JAKMIP3: variants seen among roughly 807,000 people sequenced by gnomAD.
The protein encoded by JAKMIP3 is janus kinase and microtubule-interacting protein 3.
In JAKMIP3, 58 loss-of-function variants were observed where a neutral mutation model predicts 118.5. That is an observed-to-expected ratio of 0.49 (90% CI 0.40 to 0.61). JAKMIP3 has a LOEUF of 0.61. JAKMIP3 is among the 20% of genes least tolerant of loss of function. The probability of loss-of-function intolerance (pLI) is 0.00; values close to 1 mark genes in which losing one functional copy is unlikely to be tolerated. For synonymous variants in JAKMIP3, 486 were observed against 451.2 expected (o/e 1.08, Z -0.98); for missense variants, 950 against 1,109.0 (o/e 0.86, Z 2.04).
intron 1 of JAKMIP3, among the ~76,000 whole-genome samples, chr10:132,057,401 C>T (rs1211873928): frequency 1.3e-5 from 2 of 152,226 alleles, no homozygotes; most frequent in East Asian, 3.8e-4. Flanking sequence ...CCAGGAAGCC[C>T]AGAGCCCAGC....
intron 1 of JAKMIP3, among the ~76,000 whole-genome samples, chr10:132,043,642 G>A (rs2037824780): frequency 6.6e-6 from 1 of 152,186 alleles, no homozygotes; most frequent in Non-Finnish European, 1.5e-5. Context: ...TTACCAATGT[G>A]GGGGTCCAGG....
At chr10:132,116,110 C>T (rs557346449) in intron 2 of JAKMIP3, among the ~76,000 whole-genome samples, 1 of 152,362 alleles carries the variant, frequency 6.6e-6, no homozygotes, top group East Asian at 1.9e-4. Flanking sequence ...GAAGAAGTGC[C>T]TTTTCTCCGC....
rs888033683 is a variant in JAKMIP3, at chr10:132,044,699, A to C, written c.-138+7961A>C. Among the ~76,000 whole-genome samples the C allele has an allele frequency of 6.6e-6, 1 of 152,056 alleles. No individual in the cohort carries two copies. The highest frequency in any genetic ancestry group is 2.4e-5 in the African/African-American group (1 of 41,406). On this transcript the variant is annotated intron_variant, in intron 1 of 23. Transcript: ENST00000657785. This position sits in a 1 kb window ranked among gnomAD's most constrained non-coding sequence, Gnocchi z 5.3. ...TTGTGGCGAAATACACATACAAGTC[A>C]CCATCTGAACCATTTTTAGGTGTGC... is the stretch of plus-strand genomic sequence containing the variant.
upstream of JAKMIP3, among the ~76,000 whole-genome samples, chr10:132,064,887 C>T (rs1404208402): frequency 1.3e-5 from 2 of 152,168 alleles, no homozygotes; most frequent in Non-Finnish European, 2.9e-5. The surrounding 1 kb of genome is among the most constrained non-coding windows in gnomAD (Gnocchi z 4.4). Context: ...CTGCCGGTCT[C>T]AGCTTTGGGG....
intron 1 of JAKMIP3, among the ~76,000 whole-genome samples, chr10:132,095,135 G>A (rs112878959): frequency 0.03 from 4,510 of 152,260 alleles, 112 homozygotes; most frequent in South Asian, 0.14. Context: ...GGTTGAGAAC[G>A]TGCCCCAGGC....
At chr10:132,139,471 T>TGTGAGTGTGTATGTGTGA (rs2052949688) in intron 9 of JAKMIP3, among the ~76,000 whole-genome samples, 3 of 144,834 alleles carry the variant, frequency 2.1e-5, no homozygotes, top group Admixed American at 6.9e-5. Context: ...CATGTGTGTA[T>TGTGAGTGTGTATGTGTGA]GTGTGAGTGT....
intron 1 of JAKMIP3, among the ~76,000 whole-genome samples, chr10:132,098,114 T>C (rs9419183): frequency 0.61 from 91,732 of 150,166 alleles, 28,298 homozygotes; most frequent in East Asian, 0.7. Context: ...CAGCTCACTG[T>C]GGCCTTGACC....
chr10:132,103,517 GA>G (rs1394067755), intron 1 of JAKMIP3, among the ~76,000 whole-genome samples: 3 of 139,722 alleles, frequency 2.1e-5, no homozygotes, highest in Non-Finnish European at 4.6e-5. Context: ...TTGGTGGGGG[GA>G]GCCTCTGAGG....
At chr10:132,138,483 T>C (rs2052406075) in intron 9 of JAKMIP3, among the ~76,000 whole-genome samples, 1 of 151,702 alleles carries the variant, frequency 6.6e-6, no homozygotes, top group Non-Finnish European at 1.5e-5. Flanking sequence ...TGGAGAGCGC[T>C]GGTGTGTGTG....
At chr10:132,104,546 A>G (rs539804212) in intron 1 of JAKMIP3, 126 bp from the exon 2 acceptor site, 9 of 486,002 alleles carry the variant, frequency 1.9e-5, no homozygotes, top group Non-Finnish European at 3.4e-5. Flanking sequence ...TGCGTCGTCC[A>G]GGTAGCATCC....
intron 3 of JAKMIP3, among the ~76,000 whole-genome samples, chr10:132,122,269 CCCGG>C (rs2048692206): frequency 2.0e-5 from 3 of 152,100 alleles, no homozygotes; most frequent in African/African-American, 7.2e-5. Context: ...CGGTCGGCTC[CCCGG>C]CTGTTGGGGC....
Position 132,179,898 on chromosome 10 carries a change from C to G in JAKMIP3, c.*1104-2459C>G, listed in dbSNP as rs933743974. On this transcript the variant is annotated intron_variant, in intron 23 of 23. Coordinates refer to ENST00000684848, the MANE Select transcript of JAKMIP3 (RefSeq NM_001323087.2). The surrounding 1 kb of genome is among the most constrained non-coding windows in gnomAD (Gnocchi z 4.3). ...GAGCAGACTTCCTGTGCTCTCTCCC[C>G]TCCCATGCTCTTCCCCCTGTGAGGT... 1.3e-4 allele frequency among the ~76,000 whole-genome samples: 20 copies of G among 152,290 alleles called. No individual in the cohort carries two copies. Among genetic ancestry groups the G allele is most frequent in the Admixed American group, 1.2e-3 (18 of 15,308 alleles).
intron 1 of JAKMIP3, among the ~76,000 whole-genome samples, chr10:132,078,854 C>G (rs1349576409): frequency 6.6e-6 from 1 of 152,266 alleles, no homozygotes; most frequent in Non-Finnish European, 1.5e-5. Context: ...CGTGCTGCCA[C>G]TGTGCTGGCT....
At position 132,145,087 on chromosome 10, in the gene JAKMIP3, T is replaced by A. The variant is rs767494812; in HGVS notation, c.1603-20T>A. On this transcript the variant is annotated intron_variant, in intron 11 of 23. Transcript: ENST00000684848. ...CAGCTTTTAGAGAAAATTTGATGTATCTTTCCTCCCGTCCTACAGACCCGT... is the reference window on the plus strand; with the variant it reads ...CAGCTTTTAGAGAAAATTTGATGTAACTTTCCTCCCGTCCTACAGACCCGT... 6.2e-7 allele frequency: 1 copy of A among 1,605,446 alleles called. No homozygotes were observed. Among genetic ancestry groups the A allele is most frequent in the Non-Finnish European group, 8.5e-7 (1 of 1,175,976 alleles).
Position 132,128,988 on chromosome 10 carries a change from G to A in JAKMIP3, c.634-4324G>A, listed in dbSNP as rs142925237. On this transcript the variant is annotated intron_variant, in intron 3 of 23. Coordinates refer to ENST00000684848, the MANE Select transcript of JAKMIP3 (RefSeq NM_001323087.2). ...GATGTGCTGCCACAGACTTAGCTTCGTTATTGGTTATTTTTCCCTGCTTCT... is the reference window on the plus strand; with the variant it reads ...GATGTGCTGCCACAGACTTAGCTTCATTATTGGTTATTTTTCCCTGCTTCT... Among the ~76,000 whole-genome samples, 16 of 152,198 alleles carry A rather than the reference G, an allele frequency of 1.1e-4. No individual in the cohort carries two copies. In the East Asian group the frequency reaches 1.9e-3, roughly 18 times the overall value.
At chr10:132,081,485 G>C (rs1303285405) in intron 1 of JAKMIP3, among the ~76,000 whole-genome samples, 1 of 152,134 alleles carries the variant, frequency 6.6e-6, no homozygotes, top group Non-Finnish European at 1.5e-5. Context: ...CTGCATCACA[G>C]ACCAGCGACT....
chr10:132,148,312 C>T (rs1008452887), intron 14 of JAKMIP3, among the ~76,000 whole-genome samples: 2 of 152,214 alleles, frequency 1.3e-5, no homozygotes, highest in East Asian at 3.8e-4. Context: ...AGGCCAGCCG[C>T]CCAAAGCACG....
At position 132,104,882 on chromosome 10, in the gene JAKMIP3, A is replaced by G; in HGVS notation, c.74A>G (p.Asn25Ser). Reference protein sequence around the residue: ...AEALAALQAANEDLRAKLTDI... With the variant: ...AEALAALQAASEDLRAKLTDI... ...GCCCTCGCGGCGCTGCAGGCGGCCAACGAGGATCTTCGAGCCAAGCTCACA... is the reference window on the plus strand; with the variant it reads ...GCCCTCGCGGCGCTGCAGGCGGCCAGCGAGGATCTTCGAGCCAAGCTCACA... Residue 25 changes from asparagine (N) to serine (S), a missense_variant, in exon 2 of 24, where the codon AAC becomes AGC. Coordinates refer to ENST00000684848, the MANE Select transcript of JAKMIP3 (RefSeq NM_001323087.2). The G allele has an allele frequency of 1.9e-6, 3 of 1,575,776 alleles. No individual in the cohort carries two copies. The highest frequency in any genetic ancestry group is 2.4e-5 in the East Asian group (1 of 42,420).
intron 3 of JAKMIP3, among the ~76,000 whole-genome samples, chr10:132,126,702 T>G (rs1394242355): frequency 6.6e-6 from 1 of 152,244 alleles, no homozygotes; most frequent in Non-Finnish European, 1.5e-5. Flanking sequence ...CATGAATGGT[T>G]ATGGAATTCT....
Sources: allele counts gnomAD v4.1 joint callset (sites outside exome capture counted in the v4.1 genomes callset), GRCh38; gene constraint gnomAD v4.1.1; non-coding constraint Gnocchi (gnomAD v3.1); transcripts MANE v1.5; gene names NCBI Gene and HGNC (gene_info 2026-07-23, HGNC 2026-07-21).